The following FAM193B variants were observed in gnomAD, a reference collection of about 807,000 sequenced individuals.
The protein encoded by FAM193B is protein FAM193B.
FAM193B carries 27 observed loss-of-function variants against 70.7 expected under a neutral mutation model. The observed-to-expected ratio is 0.38, with a 90% CI of 0.28 to 0.53. FAM193B has a LOEUF of 0.53. Ranked by LOEUF, FAM193B falls within the 20% of genes least tolerant of loss-of-function variation. The pLI is 0.81. For missense variants in FAM193B, 1,022 were observed against 1,072.5 expected (o/e 0.95, Z 0.66); for synonymous variants, 448 against 436.0 (o/e 1.03, Z -0.34).
chr5:177,521,964 G>A lies in FAM193B; in HGVS notation c.*1+10C>T, dbSNP rs1335379912. On this transcript the variant is annotated intron_variant, in intron 8 of 8. Transcript: ENST00000514747. ...AGAGGCAGTGGATGTAACTCTTGGG[G>A]TCTCTGTACCTCACTGAGCTGTGCT... 1 of 1,609,524 alleles carries A rather than the reference G, an allele frequency of 6.2e-7. No homozygotes were observed.
rs1022878624 is a variant in FAM193B, at chr5:177,554,285, C to G, written c.174G>C (p.Arg58Ser). The G allele has an allele frequency of 1.4e-6, 2 of 1,418,350 alleles. No individual in the cohort carries two copies. The highest frequency in any genetic ancestry group is 3.0e-5 in the African/African-American group (2 of 67,722). The allele number at this position is 1,418,350 out of a possible 1,614,324, so 87.9% of individuals were successfully genotyped here. Reference protein sequence around the residue: ...APAEPDHDGPREDDEPNLVPG... With the variant: ...APAEPDHDGPSEDDEPNLVPG... The stretch of plus-strand genomic sequence containing the variant: ...GCACCAGGTTGGGTTCGTCATCCTC[C>G]CTGGGGCCGTCGTGGTCGGGCTCCG... Residue 58 changes from arginine to serine, a missense_variant, in exon 1 of 9, where the codon AGG becomes AGC. Physicochemically the swap from Arg to Ser is moderately radical, Grantham distance 110. Transcript: ENST00000514747.
In FAM193B at chr5:177,532,676, G is replaced by A. The variant is rs1418446353; in HGVS notation, c.1077-35C>T. 1 of 1,471,972 alleles carries A rather than the reference G, an allele frequency of 6.8e-7. No individual in the cohort carries two copies. The highest frequency in any genetic ancestry group is 2.5e-5 in the East Asian group (1 of 40,074). 91.2% of individuals were successfully genotyped at this position (1,471,972 alleles called of 1,614,324 possible). A position where few individuals can be genotyped will look rare whatever the true frequency, so the allele number is the denominator to read the frequency against. ...GGGAGGAAGGCCCAGAGGTGAGGCA[G>A]GGTGATGCAGAAACCCAGGAAGCAT... On this transcript the variant is annotated intron_variant, in intron 4 of 8. Coordinates refer to ENST00000514747, the MANE Select transcript of FAM193B (RefSeq NM_001190946.3). This position sits in a 1 kb window ranked among gnomAD's most constrained non-coding sequence, Gnocchi z 4.9.
At chr5:177,553,626 G>A in intron 1 of FAM193B, 1 of 1,236,954 alleles carries the variant, frequency 8.1e-7, no homozygotes, top group East Asian at 6.1e-5. Flanking sequence ...GTCGGGGTGG[G>A]CTGCCTTGCG....
intron 7 of FAM193B, among the ~76,000 whole-genome samples, chr5:177,522,748 T>G (rs1581830457): frequency 6.6e-6 from 1 of 152,380 alleles, no homozygotes; most frequent in East Asian, 1.9e-4. Context: ...AGAGTCTTAC[T>G]CTGTTACCCA....
chr5:177,536,785 C>A, intron 3 of FAM193B, 40 bp from the exon 4 acceptor site: 1 of 1,535,804 alleles, frequency 6.5e-7, no homozygotes, highest in Non-Finnish European at 8.7e-7. Flanking sequence ...GAATGGGAGC[C>A]CAGACCTGGG....
At chr5:177,531,036 G>A (rs564357354) in intron 5 of FAM193B, among the ~76,000 whole-genome samples, 1 of 152,356 alleles carries the variant, frequency 6.6e-6, no homozygotes, top group East Asian at 1.9e-4. Context: ...ACTGACTGAA[G>A]CAAGTCCTCA....
In FAM193B at chr5:177,548,918, G is replaced by C. The variant is rs146186293; in HGVS notation, c.210+5331C>G. ...TAGCCCCTTCAGCCGGATCTCTCCC[G>C]ACTCTCCAAATGAGTGGTGCTCGCC... is the stretch of plus-strand genomic sequence containing the variant. On this transcript the variant is annotated intron_variant, in intron 1 of 8. Coordinates refer to ENST00000514747, the MANE Select transcript of FAM193B (RefSeq NM_001190946.3). Among the ~76,000 whole-genome samples the C allele has an allele frequency of 1.9e-3, 288 of 152,220 alleles. 3 individuals carry two copies. The highest frequency in any genetic ancestry group is 6.5e-3 in the African/African-American group (271 of 41,532).
chr5:177,539,323 A>G, intron 1 of FAM193B, 176 bp from the exon 2 acceptor site: 1 of 715,398 alleles, frequency 1.4e-6, no homozygotes, highest in Non-Finnish European at 2.2e-6. Context: ...TCTTATTCCC[A>G]TTTTTTAAGA....
chr5:177,550,441 G>GA (rs1293897434), intron 1 of FAM193B, among the ~76,000 whole-genome samples: 3 of 152,218 alleles, frequency 2.0e-5, no homozygotes, highest in Non-Finnish European at 4.4e-5. Context: ...TAAACATAAT[G>GA]AGATGCTTTT....
chr5:177,532,417 T>C lies in FAM193B; in HGVS notation c.1275+26A>G. On this transcript the variant is annotated intron_variant, in intron 5 of 8. Transcript: ENST00000514747. This position sits in a 1 kb window ranked among gnomAD's most constrained non-coding sequence, Gnocchi z 4.9. ...GCTCACCTTGGCTGGCCCCCAGCCC[T>C]CTCTAGCCTGGGCAGGCTCACTCAC... 1 of 1,597,998 alleles carries C rather than the reference T, an allele frequency of 6.3e-7. No individual in the cohort carries two copies. Among genetic ancestry groups the C allele is most frequent in the Non-Finnish European group, 8.5e-7 (1 of 1,173,684 alleles).
intron 1 of FAM193B, 119 bp downstream of exon 1, chr5:177,554,130 G>C: frequency 7.0e-7 from 1 of 1,421,814 alleles, no homozygotes; most frequent in Non-Finnish European, 9.2e-7. Context: ...CCGGACCCGG[G>C]GGAAGGCTGC....
At chr5:177,536,100 G>T (rs567088797) in intron 4 of FAM193B, among the ~76,000 whole-genome samples, 2 of 151,842 alleles carry the variant, frequency 1.3e-5, no homozygotes, top group Admixed American at 6.6e-5. Context: ...TTTGTAGAGA[G>T]GGGGGTCTTG....
chr5:177,553,146 C>T (rs1766522918), intron 1 of FAM193B: 2 of 985,162 alleles, frequency 2.0e-6, no homozygotes, highest in African/African-American at 3.5e-5. Context: ...GGGAAGGTAC[C>T]CCAAACGGCA....
intron 7 of FAM193B, chr5:177,523,448 G>C (rs1762086839): frequency 8.8e-6 from 2 of 227,592 alleles, no homozygotes; most frequent in South Asian, 9.7e-5. Flanking sequence ...GTACTCACTG[G>C]CCCCCTTGGC....
chr5:177,524,254 T>TTG lies in FAM193B; in HGVS notation c.2226_2227insCA (p.Ser743GlnfsTer65). 1 of 1,563,088 alleles carries TTG rather than the reference T, an allele frequency of 6.4e-7. No individual in the cohort carries two copies. Among genetic ancestry groups the TTG allele is most frequent in the Non-Finnish European group, 8.7e-7 (1 of 1,155,580 alleles). On this transcript the variant is annotated frameshift_variant, in exon 6 of 9. Transcript: ENST00000514747. LOFTEE classifies it high-confidence loss of function. ...CTGCGGCCCTTGCCCTGGGGCAAGC[T>TTG]CTGTGGCCTTGCTGGGCCTGAGGGC...
intron 1 of FAM193B, among the ~76,000 whole-genome samples, chr5:177,551,343 G>C (rs779893345): frequency 6.6e-6 from 1 of 151,914 alleles, no homozygotes. Context: ...TGCTATAAAC[G>C]AGGATTTGGG....
At chr5:177,547,437 A>G (rs1765594062) in intron 1 of FAM193B, among the ~76,000 whole-genome samples, 1 of 150,356 alleles carries the variant, frequency 6.7e-6, no homozygotes, top group East Asian at 1.9e-4. Flanking sequence ...GGCACGCGCC[A>G]CCATGCCCGG....
At chr5:177,536,859 C>T in intron 3 of FAM193B, 114 bp from the exon 4 acceptor site, 1 of 1,353,412 alleles carries the variant, frequency 7.4e-7, no homozygotes, top group Non-Finnish European at 9.9e-7. Context: ...CACAGCCTCT[C>T]AGCACAGGGG....
chr5:177,527,785 C>A (rs1762837176), intron 5 of FAM193B, among the ~76,000 whole-genome samples: 1 of 152,228 alleles, frequency 6.6e-6, no homozygotes, highest in Non-Finnish European at 1.5e-5. Flanking sequence ...CAGGCGGGCG[C>A]CCAGTGCTCC....
Sources: gnomAD v4.1 joint callset for allele counts (sites outside exome capture counted in the v4.1 genomes callset) on GRCh38, gnomAD v4.1.1 for gene constraint, Gnocchi (gnomAD v3.1) non-coding constraint, MANE v1.5 for transcripts, NCBI Gene and HGNC (gene_info 2026-07-23, HGNC 2026-07-21) for gene names.